RAB9A: variants seen among roughly 807,000 people sequenced by gnomAD.
RAB9A encodes RAB9A, member RAS oncogene family.
A neutral mutation model predicts 10.3 loss-of-function variants in RAB9A; 1 was observed. That is an observed-to-expected ratio of 0.10 (90% CI 0.03 to 0.46). RAB9A has a LOEUF of 0.46. RAB9A is among the 20% of genes least tolerant of loss of function. The pLI, the probability that RAB9A is intolerant of heterozygous loss-of-function variation, is 0.96. For missense variants in RAB9A, 92 were observed against 150.3 expected (o/e 0.61, Z 2.03); for synonymous variants, 39 against 55.2 (o/e 0.71, Z 1.30).
chrX:13,701,206 C>T (rs2046172210), intron 1 of RAB9A, among the ~76,000 whole-genome samples: 1 of 109,457 alleles, frequency 9.1e-6, no homozygotes, highest in African/African-American at 3.3e-5. Context: ...TTAGCAGTCC[C>T]TCCTCCTTTA....
intron 1 of RAB9A, among the ~76,000 whole-genome samples, chrX:13,692,187 C>T (rs2046128511): frequency 9.0e-6 from 1 of 110,671 alleles, no homozygotes; most frequent in Non-Finnish European, 1.9e-5. Flanking sequence ...TGTGGTGGTG[C>T]ATGTCCCAGC....
At chrX:13,698,190 C>CTTTTTTTTTT (rs67802719) in intron 1 of RAB9A, among the ~76,000 whole-genome samples, 9 of 38,319 alleles carry the variant, frequency 2.3e-4, no homozygotes, top group Admixed American at 4.5e-4. Context: ...TCTTTTTTTT[C>CTTTTTTTTTT]TTTTTTTTTT....
intron 2 of RAB9A, among the ~76,000 whole-genome samples, chrX:13,705,242 A>T (rs967783992): frequency 8.9e-6 from 1 of 112,295 alleles, no homozygotes; most frequent in East Asian, 2.8e-4. Flanking sequence ...ACAATGATTT[A>T]TATCACCATG....
chrX:13,709,469 A>C lies in RAB9A; in HGVS notation c.*117A>C. ...ATCATCTACTAATAAAATTAAACTA[A>C]TGTTGCTGCTTCATTAGTTGGTGGG... On this transcript the variant is annotated 3_prime_UTR_variant, in exon 3 of 3. Coordinates refer to ENST00000464506, the MANE Select transcript of RAB9A (RefSeq NM_004251.5). 3.6e-6 allele frequency: 3 copies of C among 838,452 alleles called. No homozygotes were observed. The highest frequency in any genetic ancestry group is 5.0e-6 in the Non-Finnish European group (3 of 602,293). 69.1% of individuals were successfully genotyped at this position (838,452 alleles called of 1,213,427 possible).
In RAB9A at chrX:13,709,049, G is replaced by T. The variant is rs1156802993; in HGVS notation, c.303G>T (p.Trp101Cys). Reference protein sequence around the residue: ...DSQSFQNLSNWKKEFIYYADV... With the variant: ...DSQSFQNLSNCKKEFIYYADV... ...AAAGCTTCCAGAACTTAAGTAACTG[G>T]AAGAAAGAATTCATATATTATGCAG... Residue 101 changes from tryptophan to cysteine, a missense_variant, in exon 3 of 3, where the codon TGG becomes TGT. Trp to Cys is a radical substitution (Grantham distance 215). Transcript: ENST00000464506. 8.3e-7 allele frequency: 1 copy of T among 1,211,420 alleles called. No homozygotes were observed. The highest frequency in any genetic ancestry group is 2.2e-5 in the Admixed American group (1 of 45,985).
chrX:13,691,577 T>C (rs1370949288), intron 1 of RAB9A, among the ~76,000 whole-genome samples: 1 of 101,905 alleles, frequency 9.8e-6, no homozygotes. Context: ...GGAGAATCGC[T>C]TGAACCTGGG....
chrX:13,702,697 G>C (rs994451397), intron 1 of RAB9A, among the ~76,000 whole-genome samples: 4 of 112,032 alleles, frequency 3.6e-5, no homozygotes, highest in Non-Finnish European at 7.5e-5. Context: ...CACTGAGGGA[G>C]ATGGTGGGCA....
At chrX:13,699,901 C>T (rs2046165495) in intron 1 of RAB9A, among the ~76,000 whole-genome samples, 1 of 111,896 alleles carries the variant, frequency 8.9e-6, no homozygotes, top group South Asian at 3.7e-4. Flanking sequence ...CAATTAGATC[C>T]AGGACCAATA....
chrX:13,707,734 T>G (rs1268123962), intron 2 of RAB9A, among the ~76,000 whole-genome samples: 1 of 112,648 alleles, frequency 8.9e-6, no homozygotes, highest in Admixed American at 9.4e-5. Flanking sequence ...ACTGCCCAAG[T>G]GAATCTTGTG....
At position 13,705,941 on chromosome X, in the gene RAB9A, A is replaced by G. The variant is rs146675711; in HGVS notation, c.-27+2039A>G. Among the ~76,000 whole-genome samples, 483 of 111,471 alleles carry G rather than the reference A, an allele frequency of 4.3e-3. 1 individual carries two copies. Among genetic ancestry groups the G allele is most frequent in the African/African-American group, 0.015 (456 of 30,671 alleles). ...TTTAGTTCCGGGTGATGGTGCATTC[A>G]GAATGACTGAAGCAGAGACTGTGAG... On this transcript the variant is annotated intron_variant, in intron 2 of 2. Transcript: ENST00000464506.
At chrX:13,693,331 C>T (rs1728950481) in intron 1 of RAB9A, among the ~76,000 whole-genome samples, 1 of 112,150 alleles carries the variant, frequency 8.9e-6, no homozygotes, top group Admixed American at 9.4e-5. Flanking sequence ...CAACAGAGAA[C>T]ATTTATTAAG....
intron 1 of RAB9A, among the ~76,000 whole-genome samples, chrX:13,695,611 G>A (rs1417813442): frequency 1.8e-5 from 2 of 112,306 alleles, no homozygotes; most frequent in Non-Finnish European, 3.8e-5. Flanking sequence ...TGAATGAAGT[G>A]CGTAAGAGAA....
intron 1 of RAB9A, among the ~76,000 whole-genome samples, chrX:13,689,682 G>T (rs2046111266): frequency 8.9e-6 from 1 of 111,773 alleles, no homozygotes; most frequent in Non-Finnish European, 1.9e-5. Flanking sequence ...ACACCCGAAT[G>T]ATTAATGTAG....
chrX:13,710,263 A>G lies in RAB9A; in HGVS notation c.*911A>G, dbSNP rs1477549288. 8.1e-6 allele frequency: 1 copy of G among 124,054 alleles called. No individual in the cohort carries two copies. The highest frequency in any genetic ancestry group is 9.4e-5 in the Admixed American group (1 of 10,638). The allele number at this position is 124,054 out of a possible 1,213,427, so 10.2% of individuals were successfully genotyped here. A position where few individuals can be genotyped will look rare whatever the true frequency, so the allele number is the denominator to read the frequency against. On this transcript the variant is annotated 3_prime_UTR_variant, in exon 3 of 3. Coordinates refer to ENST00000464506, the MANE Select transcript of RAB9A (RefSeq NM_004251.5). ...GGAAAGTTTCTTAATTGAAGTTAAA[A>G]CATTCCTTTATAACACAAGACACAA...
intron 2 of RAB9A, among the ~76,000 whole-genome samples, chrX:13,706,076 G>C (rs749246080): frequency 1.8e-5 from 2 of 111,844 alleles, no homozygotes; most frequent in Non-Finnish European, 3.8e-5. Flanking sequence ...GAATTCTGAG[G>C]AGACATTAGA....
At chrX:13,707,529 C>G (rs1449998558) in intron 2 of RAB9A, among the ~76,000 whole-genome samples, 1 of 111,905 alleles carries the variant, frequency 8.9e-6, no homozygotes, top group African/African-American at 3.3e-5. Flanking sequence ...CCACCAGCAC[C>G]TAGAAGTAGC....
At position 13,705,860 on chromosome X, in the gene RAB9A, A is replaced by G. The variant is rs143266847; in HGVS notation, c.-27+1958A>G. On this transcript the variant is annotated intron_variant, in intron 2 of 2. Transcript: ENST00000464506. ...GGGGGGGTCACCAGCAAGGAGCAGC[A>G]TATGCCAGGGTGGAGGCAAGAGGGT... Among the ~76,000 whole-genome samples, 728 of 111,568 alleles carry G rather than the reference A, an allele frequency of 6.5e-3. 4 individuals are homozygous for G. Among genetic ancestry groups the G allele is most frequent in the African/African-American group, 0.023 (697 of 30,679 alleles).
At chrX:13,701,708 G>T (rs760627742) in intron 1 of RAB9A, among the ~76,000 whole-genome samples, 200 of 111,316 alleles carry the variant, frequency 1.8e-3, no homozygotes, top group South Asian at 2.3e-3. Flanking sequence ...GTAGGTGTTC[G>T]GGAGGAGGTG....
Position 13,694,784 on chromosome X carries a change from C to T in RAB9A, c.-116+5496C>T, listed in dbSNP as rs751452549. 4.5e-5 allele frequency among the ~76,000 whole-genome samples: 5 copies of T among 111,665 alleles called. No individual in the cohort carries two copies. The South Asian group carries it at 1.9e-3, about 42-fold the overall frequency. On this transcript the variant is annotated intron_variant, in intron 1 of 2. Transcript: ENST00000464506. Reference sequence around the variant, plus strand: ...GGTGAGGAGAAAAGGCATCAAAGTCCGTTTTTAATTCTCCATCCCCCCTTC... The same window carrying T: ...GGTGAGGAGAAAAGGCATCAAAGTCTGTTTTTAATTCTCCATCCCCCCTTC...
Sources: gnomAD v4.1 joint callset for allele counts (sites outside exome capture counted in the v4.1 genomes callset) on GRCh38, gnomAD v4.1.1 for gene constraint, MANE v1.5 for transcripts, NCBI Gene and HGNC (gene_info 2026-07-23, HGNC 2026-07-21) for gene names.